PTPRD: variants seen among roughly 807,000 people sequenced by gnomAD.
PTPRD encodes receptor-type tyrosine-protein phosphatase delta.
PTPRD carries 34 observed loss-of-function variants against 214.5 expected under a neutral mutation model. The ratio of observed to expected loss-of-function variants is 0.16; its 90% CI spans 0.12 to 0.21. The LOEUF (loss-of-function observed/expected upper bound fraction) is 0.21, where lower values mean the gene tolerates loss of function less well. Among genes scored for constraint, PTPRD ranks in the 10% least tolerant of loss-of-function variants. The probability of loss-of-function intolerance (pLI) is 1.00; values close to 1 mark genes in which losing one functional copy is unlikely to be tolerated. For synonymous variants in PTPRD, 1,128 were observed against 845.7 expected (o/e 1.33, Z -5.79); for missense variants, 2,545 against 2,398.7 (o/e 1.06, Z -1.27).
intron 10 of PTPRD, among the ~76,000 whole-genome samples, chr9:9,120,113 C>A (rs947027283): frequency 6.6e-6 from 1 of 152,248 alleles, no homozygotes; most frequent in East Asian, 1.9e-4. Context: ...GTCTAAATAG[C>A]AAATGATGTG....
intron 7 of PTPRD, among the ~76,000 whole-genome samples, chr9:9,642,952 A>C (rs1019170523): frequency 2.6e-5 from 4 of 152,230 alleles, no homozygotes; most frequent in African/African-American, 7.2e-5. Flanking sequence ...TTCTTTAAAC[A>C]GAATACCTTC....
intron 9 of PTPRD, among the ~76,000 whole-genome samples, chr9:9,356,939 T>A (rs1389127852): frequency 6.6e-6 from 1 of 151,330 alleles, no homozygotes; most frequent in East Asian, 1.9e-4. Context: ...AACAGAAAAT[T>A]AGAGGGAAAT....
intron 35 of PTPRD, among the ~76,000 whole-genome samples, chr9:8,422,839 G>A (rs1049973744): frequency 6.6e-6 from 1 of 152,162 alleles, no homozygotes; most frequent in African/African-American, 2.4e-5. Flanking sequence ...TGACAAGGAG[G>A]TCAATTAATT....
intron 44 of PTPRD, among the ~76,000 whole-genome samples, chr9:8,324,095 ATTAGCATTTTTTTTTTTTT>A (rs767043448): frequency 4.8e-5 from 7 of 146,248 alleles, no homozygotes; most frequent in African/African-American, 1.0e-4. Flanking sequence ...TCAGATGATG[ATTAGCATTTTTTTTTTTTT>A]TTAAACTTTA....
intron 11 of PTPRD, among the ~76,000 whole-genome samples, chr9:8,895,985 A>C (rs763190500): frequency 6.6e-6 from 1 of 152,204 alleles, no homozygotes; most frequent in Non-Finnish European, 1.5e-5. Flanking sequence ...ATCCTTAAAA[A>C]ATCAAGAGAG....
chr9:8,998,820 T>C (rs2099407017), intron 11 of PTPRD, among the ~76,000 whole-genome samples: 1 of 151,974 alleles, frequency 6.6e-6, no homozygotes, highest in African/African-American at 2.4e-5. Flanking sequence ...ATATCAACAT[T>C]AATAGTTTGA....
intron 9 of PTPRD, among the ~76,000 whole-genome samples, chr9:9,274,816 C>T (rs1944335956): frequency 6.7e-6 from 1 of 149,818 alleles, no homozygotes; most frequent in Admixed American, 6.8e-5. Flanking sequence ...CAGCATCTCT[C>T]AGTCCACAGA....
At chr9:10,478,417 C>T (rs987980771) in intron 2 of PTPRD, among the ~76,000 whole-genome samples, 1 of 152,064 alleles carries the variant, frequency 6.6e-6, no homozygotes, top group African/African-American at 2.4e-5. Context: ...GGAGATAATA[C>T]CCGTATCTGG....
At chr9:9,594,654 C>T (rs192364723) in intron 7 of PTPRD, among the ~76,000 whole-genome samples, 185 of 152,192 alleles carry the variant, frequency 1.2e-3, no homozygotes, top group African/African-American at 4.4e-3. Flanking sequence ...CAGTACCATG[C>T]TGTTTTGGTG....
At chr9:10,388,022 G>A (rs1234382344) in intron 2 of PTPRD, among the ~76,000 whole-genome samples, 1 of 151,280 alleles carries the variant, frequency 6.6e-6, no homozygotes, top group African/African-American at 2.4e-5. Flanking sequence ...AGTACACTGG[G>A]AACTTCACTG....
chr9:8,633,819 C>T (rs891314776), intron 13 of PTPRD, among the ~76,000 whole-genome samples: 3 of 152,106 alleles, frequency 2.0e-5, no homozygotes, highest in Non-Finnish European at 4.4e-5. Flanking sequence ...TTCTTTCTCT[C>T]ACAGCACATA....
At chr9:9,530,090 A>G (rs2075118704) in intron 8 of PTPRD, among the ~76,000 whole-genome samples, 1 of 152,166 alleles carries the variant, frequency 6.6e-6, no homozygotes, top group African/African-American at 2.4e-5. Flanking sequence ...ATGCATTTCA[A>G]GAAACTAGAA....
chr9:9,671,320 T>C (rs1302940012), intron 7 of PTPRD, among the ~76,000 whole-genome samples: 1 of 152,188 alleles, frequency 6.6e-6, no homozygotes, highest in Non-Finnish European at 1.5e-5. Flanking sequence ...CCAATACCTG[T>C]ATTCCCATTG....
chr9:9,706,565 G>A (rs938163536), intron 7 of PTPRD, among the ~76,000 whole-genome samples: 9 of 151,504 alleles, frequency 5.9e-5, no homozygotes, highest in African/African-American at 1.2e-4. Flanking sequence ...TCAGCCTCCC[G>A]AGTAGATGGG....
intron 11 of PTPRD, among the ~76,000 whole-genome samples, chr9:8,916,498 A>G (rs952518100): frequency 2.0e-5 from 3 of 152,154 alleles, no homozygotes; most frequent in Non-Finnish European, 4.4e-5. Flanking sequence ...AATAGGTGGA[A>G]GAGTAAATTA....
At chr9:8,596,239 T>C (rs1380967511) in intron 14 of PTPRD, among the ~76,000 whole-genome samples, 2 of 151,910 alleles carry the variant, frequency 1.3e-5, no homozygotes, top group Non-Finnish European at 2.9e-5. Flanking sequence ...CTCCATCACA[T>C]AAAATATATG....
chr9:9,583,170 C>T (rs2091201834), intron 7 of PTPRD, among the ~76,000 whole-genome samples: 4 of 151,996 alleles, frequency 2.6e-5, no homozygotes, highest in Admixed American at 2.6e-4. Flanking sequence ...AACTTTCATA[C>T]TCCTTCAAAA....
intron 3 of PTPRD, among the ~76,000 whole-genome samples, chr9:10,239,815 C>A (rs2099641318): frequency 6.6e-6 from 1 of 151,906 alleles, no homozygotes; most frequent in African/African-American, 2.4e-5. Flanking sequence ...CTGATCTTCT[C>A]CCGCCCTCCT....
intron 43 of PTPRD, among the ~76,000 whole-genome samples, chr9:8,334,156 A>C (rs1844317167): frequency 6.6e-6 from 1 of 152,130 alleles, no homozygotes; most frequent in Admixed American, 6.6e-5. Context: ...GACATTCAGG[A>C]CTTGAAGTCA....
Sources: gnomAD v4.1 joint callset for allele counts (sites outside exome capture counted in the v4.1 genomes callset) on GRCh38, gnomAD v4.1.1 for gene constraint, MANE v1.5 for transcripts, NCBI Gene and HGNC (gene_info 2026-07-23, HGNC 2026-07-21) for gene names.